The following STK32B variants were observed in gnomAD, a reference collection of about 807,000 sequenced individuals.
The protein encoded by STK32B is serine/threonine-protein kinase 32B.
In STK32B, 43 loss-of-function variants were observed where a neutral mutation model predicts 52.6. The observed-to-expected ratio is 0.82, with a 90% confidence interval of 0.64 to 1.05. STK32B has a LOEUF of 1.05. Ranked by LOEUF, STK32B falls within the 50% of genes least tolerant of loss-of-function variation. STK32B has a pLI of 0.00. For synonymous variants in STK32B, 238 were observed against 204.3 expected (o/e 1.17, Z -1.41); for missense variants, 621 against 534.6 (o/e 1.16, Z -1.59).
At chr4:5,457,814 G>A (rs2109144417) in intron 8 of STK32B, among the ~76,000 whole-genome samples, 1 of 150,300 alleles carries the variant, frequency 6.7e-6, no homozygotes, top group Admixed American at 6.6e-5. Flanking sequence ...GGAGGTTGTG[G>A]TGAGCCAAGA....
intron 3 of STK32B, among the ~76,000 whole-genome samples, chr4:5,174,726 C>T (rs1719688627): frequency 6.6e-6 from 1 of 152,042 alleles, no homozygotes; most frequent in African/African-American, 2.4e-5. Context: ...TCTCTGGCTG[C>T]CCTTAACATT....
chr4:5,348,192 G>A (rs548750497), intron 4 of STK32B, among the ~76,000 whole-genome samples: 1 of 152,262 alleles, frequency 6.6e-6, no homozygotes, highest in East Asian at 1.9e-4. Flanking sequence ...TCCCACAACA[G>A]ATTCCTACAG....
rs201529318 is a variant in STK32B, at chr4:5,317,536, C to CATATATATATATATATATATATAT, written c.261-13682_261-13681insATATATATATATATATATATATAT. Among the ~76,000 whole-genome samples, 2 of 93,540 alleles carry CATATATATATATATATATATATAT rather than the reference C, an allele frequency of 2.1e-5. 1 individual carries two copies. The highest frequency in any genetic ancestry group is 1.4e-4 in the African/African-American group (2 of 14,778). The allele number at this position is 93,540 out of a possible 152,430, so 61.4% of individuals were successfully genotyped here. On this transcript the variant is annotated intron_variant, in intron 3 of 11. Coordinates refer to ENST00000282908, the MANE Select transcript of STK32B (RefSeq NM_018401.3). The stretch of plus-strand genomic sequence containing the variant: ...TAATATATTTATTATATATATATTA[C>CATATATATATATATATATATATAT]ATGTATATATATATATATATATAAC...
chr4:5,461,046 C>T (rs887506673), intron 9 of STK32B, among the ~76,000 whole-genome samples: 5 of 152,152 alleles, frequency 3.3e-5, no homozygotes, highest in South Asian at 2.1e-4. Context: ...GCCTGGAAGC[C>T]TCCTGTGGTC....
At chr4:5,455,496 G>A (rs562794989) in intron 7 of STK32B, among the ~76,000 whole-genome samples, 2 of 152,174 alleles carry the variant, frequency 1.3e-5, no homozygotes, top group Non-Finnish European at 2.9e-5. Flanking sequence ...CCCAACTCTG[G>A]CATCTCCAGA....
At chr4:5,260,666 C>T (rs1417282950) in intron 3 of STK32B, among the ~76,000 whole-genome samples, 1 of 152,132 alleles carries the variant, frequency 6.6e-6, no homozygotes, top group Non-Finnish European at 1.5e-5. Context: ...GAAGGAAAGA[C>T]ATCTGGCACA....
rs1014385185 is a variant in STK32B at position 5,479,573 on chromosome 4, A to G, written c.1106+11503A>G. Among the ~76,000 whole-genome samples, 53 of 152,128 alleles carry G rather than the reference A, an allele frequency of 3.5e-4. 1 individual carries two copies. On this transcript the variant is annotated intron_variant, in intron 11 of 11. Transcript: ENST00000282908. ...CAGCAGATTTCTCCATTTCAATTCT[A>G]TGTGAAGGAAAAGTTTCTCAGGACT...
rs114181971 is a variant in STK32B at position 5,202,493 on chromosome 4, G to A, written c.260+34043G>A. ...GTGGCCCTTTCTCACAGCTCCGCTC[G>A]GCAGTGCCCCAGTGGGGACTCTGTG... On this transcript the variant is annotated intron_variant, in intron 3 of 11. Coordinates refer to ENST00000282908, the MANE Select transcript of STK32B (RefSeq NM_018401.3). 4.7e-3 allele frequency among the ~76,000 whole-genome samples: 715 copies of A among 152,336 alleles called. 12 individuals are homozygous for A. The highest frequency in any genetic ancestry group is 0.016 in the African/African-American group (669 of 41,572).
chr4:5,436,820 G>A (rs180963332), intron 6 of STK32B, among the ~76,000 whole-genome samples: 100 of 151,500 alleles, frequency 6.6e-4, no homozygotes, highest in African/African-American at 2.4e-3. Context: ...TTCCTCCTCA[G>A]GCCCAGTGTC....
At chr4:5,134,969 T>G (rs1214864493) in intron 1 of STK32B, among the ~76,000 whole-genome samples, 2 of 152,218 alleles carry the variant, frequency 1.3e-5, no homozygotes, top group South Asian at 4.1e-4. Context: ...ATGAAATTCA[T>G]TAGAAATAAC....
At chr4:5,341,402 A>T (rs1485565999) in intron 4 of STK32B, among the ~76,000 whole-genome samples, 1 of 152,190 alleles carries the variant, frequency 6.6e-6, no homozygotes, top group Non-Finnish European at 1.5e-5. Context: ...TTATTCATGG[A>T]TACCCAAAAC....
chr4:5,205,313 A>G (rs982170686), intron 3 of STK32B, among the ~76,000 whole-genome samples: 5 of 152,140 alleles, frequency 3.3e-5, no homozygotes, highest in Non-Finnish European at 7.3e-5. Flanking sequence ...GGGACTATGG[A>G]GGCAGTACAA....
At chr4:5,094,179 A>T (rs981454013) in intron 1 of STK32B, among the ~76,000 whole-genome samples, 1 of 152,234 alleles carries the variant, frequency 6.6e-6, no homozygotes, top group African/African-American at 2.4e-5. Flanking sequence ...TTCAAGAAAA[A>T]GCCGTCACTA....
chr4:5,354,874 G>C (rs1028551306), intron 4 of STK32B, among the ~76,000 whole-genome samples: 1 of 152,110 alleles, frequency 6.6e-6, no homozygotes, highest in Non-Finnish European at 1.5e-5. Flanking sequence ...TAAAGTGAAA[G>C]AGGGAGGCAG....
intron 1 of STK32B, among the ~76,000 whole-genome samples, chr4:5,065,271 G>T (rs1421314518): frequency 6.6e-6 from 1 of 152,166 alleles, no homozygotes; most frequent in African/African-American, 2.4e-5. Context: ...ACTCTAGGAG[G>T]TATAGAAGCA....
At chr4:5,211,583 G>C (rs569309412) in intron 3 of STK32B, among the ~76,000 whole-genome samples, 2 of 152,114 alleles carry the variant, frequency 1.3e-5, no homozygotes, top group East Asian at 1.9e-4. Flanking sequence ...AGGGGAGGAG[G>C]GGGGATGGAA....
At chr4:5,440,495 A>C (rs956937717) in intron 6 of STK32B, among the ~76,000 whole-genome samples, 1 of 152,138 alleles carries the variant, frequency 6.6e-6, no homozygotes, top group Admixed American at 6.5e-5. Context: ...CAGCTTAAGG[A>C]GATTTTGGGC....
intron 3 of STK32B, among the ~76,000 whole-genome samples, chr4:5,290,012 C>A (rs191501758): frequency 3.3e-5 from 5 of 152,188 alleles, no homozygotes; most frequent in Admixed American, 2.6e-4. Context: ...ACCCTCCTCC[C>A]AAACTCCACC....
intron 9 of STK32B, among the ~76,000 whole-genome samples, chr4:5,462,551 C>G (rs1320082889): frequency 1.3e-5 from 2 of 152,260 alleles, no homozygotes; most frequent in East Asian, 3.9e-4. Flanking sequence ...ACAGACCTTA[C>G]TGTCACCATC....
Sources: allele counts gnomAD v4.1 joint callset (sites outside exome capture counted in the v4.1 genomes callset), GRCh38; gene constraint gnomAD v4.1.1; transcripts MANE v1.5; gene names NCBI Gene and HGNC (gene_info 2026-07-23, HGNC 2026-07-21).